Variants in CR1 observed in about 807,000 individuals in gnomAD.
CR1 encodes complement receptor type 1.
A neutral mutation model predicts 187.3 loss-of-function variants in CR1; 116 were observed. That is an observed-to-expected ratio of 0.62 (90% CI 0.53 to 0.72). The LOEUF is 0.72. Ranked by LOEUF, CR1 falls within the 30% of genes least tolerant of loss-of-function variation. CR1 has a pLI of 0.00. For synonymous variants in CR1, 576 were observed against 747.1 expected, an observed-to-expected ratio of 0.77 and a Z score of 3.73; for missense variants, 1,731 against 2,110.7, an observed-to-expected ratio of 0.82 and a Z score of 3.52.
rs200590657 is a variant in CR1, at chr1:207,622,978, T to G, written c.7277-15T>G. On this transcript the variant is annotated splice_polypyrimidine_tract_variant and intron_variant, in intron 44 of 46. Transcript: ENST00000367049. ...ATATTTTCCATGCATTTAATTACCTTGTTTTACTGCCTAGGCACTTTATCT... is the reference window on the plus strand; with the variant it reads ...ATATTTTCCATGCATTTAATTACCTGGTTTTACTGCCTAGGCACTTTATCT... 2.6e-6 allele frequency: 4 copies of G among 1,546,382 alleles called. No homozygotes were observed. The highest frequency in any genetic ancestry group is 1.7e-4 in the Middle Eastern group (1 of 5,930).
At chr1:207,565,439 T>G (rs1183384666) in intron 23 of CR1, among the ~76,000 whole-genome samples, 2 of 150,128 alleles carry the variant, frequency 1.3e-5, no homozygotes, top group Non-Finnish European at 2.9e-5. Flanking sequence ...CACTCCAAAC[T>G]GGGAGCTGTT....
At chr1:207,605,404 T>C (rs979977718) in intron 35 of CR1, among the ~76,000 whole-genome samples, 1 of 151,414 alleles carries the variant, frequency 6.6e-6, no homozygotes, top group Non-Finnish European at 1.5e-5. Flanking sequence ...ACATGTTAAT[T>C]AGCTTAATTT....
At chr1:207,632,564 G>A (rs754293654) in intron 46 of CR1, among the ~76,000 whole-genome samples, 39 of 152,238 alleles carry the variant, frequency 2.6e-4, no homozygotes, top group Non-Finnish European at 4.6e-4. Context: ...CGAGGCGAGT[G>A]GATCATGAGT....
chr1:207,567,757 C>T (rs1660549035), intron 24 of CR1, 67 bp from the exon 25 acceptor site: 18 of 1,596,108 alleles, frequency 1.1e-5, no homozygotes, highest in Non-Finnish European at 1.5e-5. Flanking sequence ...ATCATAGCAC[C>T]CTGTAATTGC....
At chr1:207,607,719 A>G (rs11118163) in intron 36 of CR1, among the ~76,000 whole-genome samples, 222 of 152,310 alleles carry the variant, frequency 1.5e-3, no homozygotes, top group African/African-American at 5.0e-3. Context: ...CCAAATAATA[A>G]AAAGAACTCT....
chr1:207,565,810 C>T lies in CR1; in HGVS notation c.3867-28C>T, dbSNP rs529116681. On this transcript the variant is annotated intron_variant, in intron 23 of 46. Coordinates refer to ENST00000367049, the MANE Select transcript of CR1 (RefSeq NM_000651.6). The stretch of plus-strand genomic sequence containing the variant: ...AAGTGTCCTCTTGGCTGAAACAGCT[C>T]ACTATTCACTCCTATTTTCTTCTTT... 1.2e-5 allele frequency: 20 copies of T among 1,609,892 alleles called. 1 individual carries two copies. The highest frequency in any genetic ancestry group is 1.6e-5 in the Non-Finnish European group (19 of 1,179,188).
chr1:207,573,273 A>G (rs557099662), intron 27 of CR1, among the ~76,000 whole-genome samples: 15 of 152,298 alleles, frequency 9.8e-5, no homozygotes, highest in South Asian at 4.1e-4. Flanking sequence ...TGTCACCACA[A>G]CAGACACTGA....
Position 207,496,245 on chromosome 1 carries a change from G to A in CR1, c.-23G>A, listed in dbSNP as rs753785825. ...TCAGTTTTCTTCGAGATCAAATCTG[G>A]TTTGTAGATGTGCTTGGGGAGAATG... On this transcript the variant is annotated 5_prime_UTR_variant, in exon 1 of 47. Transcript: ENST00000367049. 1 of 1,613,776 alleles carries A rather than the reference G, an allele frequency of 6.2e-7. No homozygotes were observed. Among genetic ancestry groups the A allele is most frequent in the Non-Finnish European group, 8.5e-7 (1 of 1,179,834 alleles).
rs147969166 is a variant in CR1 at position 207,524,016 on chromosome 1, C to T, written c.886+7C>T. The T allele has an allele frequency of 3.0e-3, 4,779 of 1,611,718 alleles. 188 individuals are homozygous for T. The African/African-American group carries it at 0.056, about 19-fold the overall frequency. On this transcript the variant is annotated splice_region_variant and intron_variant, in intron 5 of 46. Transcript: ENST00000367049. ...CTACCAAGCTGCTCCAGGGGTGAGT[C>T]TGACTGAGGCCTAGAAGGGCCCTGC...
At position 207,605,044 on chromosome 1, in the gene CR1, A is replaced by G. The variant is rs1661706451; in HGVS notation, c.5811-2207A>G. 9.2e-5 allele frequency among the ~76,000 whole-genome samples: 14 copies of G among 152,272 alleles called. No individual in the cohort carries two copies. The South Asian group carries it at 2.9e-3, about 32-fold the overall frequency. ...GAGGCTGAGGCATACGAATTGCTTAAGCCTAGAAGTTAGAAACTAGGCTGG... is the reference window on the plus strand; with the variant it reads ...GAGGCTGAGGCATACGAATTGCTTAGGCCTAGAAGTTAGAAACTAGGCTGG... On this transcript the variant is annotated intron_variant, in intron 35 of 46. Transcript: ENST00000367049.
intron 46 of CR1, among the ~76,000 whole-genome samples, 187 bp from the exon 47 acceptor site, chr1:207,639,210 T>G (rs138101520): frequency 6.6e-6 from 1 of 152,378 alleles, no homozygotes; most frequent in African/African-American, 2.4e-5. Flanking sequence ...GCAATTCTTT[T>G]TTAGATGACC....
At chr1:207,587,293 T>C (rs1206318896) in intron 33 of CR1, 93 bp from the exon 34 acceptor site, 1 of 1,100,868 alleles carries the variant, frequency 9.1e-7, no homozygotes, top group African/African-American at 1.6e-5. Flanking sequence ...TCTTTGTTTC[T>C]GTGATCCACC....
chr1:207,582,419 G>A (rs1382326355), intron 32 of CR1, among the ~76,000 whole-genome samples: 3 of 152,162 alleles, frequency 2.0e-5, no homozygotes, highest in African/African-American at 7.2e-5. Context: ...GCAATCTTCT[G>A]GGAACTGGGG....
rs1662973727 is a variant in CR1 at position 207,641,220 on chromosome 1, G to T, written c.*1811G>T. On this transcript the variant is annotated 3_prime_UTR_variant, in exon 47 of 47. Transcript: ENST00000367049. ...AGGAGGACTAGAAACTAAGTGATTG[G>T]GAATTGGCCTTTTTAGAATTAAAAT... 1 of 151,810 alleles carries T rather than the reference G, an allele frequency of 6.6e-6. No homozygotes were observed. The highest frequency in any genetic ancestry group is 2.4e-5 in the African/African-American group (1 of 41,360). 9.4% of individuals were successfully genotyped at this position (151,810 alleles called of 1,614,324 possible). A position where few individuals can be genotyped will look rare whatever the true frequency, so the allele number is the denominator to read the frequency against.
At chr1:207,615,105 A>G (rs1371982092) in intron 40 of CR1, among the ~76,000 whole-genome samples, 1 of 152,174 alleles carries the variant, frequency 6.6e-6, no homozygotes, top group East Asian at 1.9e-4. Context: ...CACCATGCCC[A>G]GCCAAATTTT....
At chr1:207,606,373 G>C (rs1245176007) in intron 35 of CR1, 2 of 152,152 alleles carry the variant, frequency 1.3e-5, no homozygotes, top group Admixed American at 6.5e-5. Flanking sequence ...AAAAATAGAG[G>C]GTTCCATTAC....
intron 44 of CR1, 92 bp from the exon 45 acceptor site, chr1:207,622,901 G>T: frequency 1.2e-6 from 1 of 826,708 alleles, no homozygotes; most frequent in Non-Finnish European, 1.9e-6. Context: ...AAAAAGCATT[G>T]GCAATCTGTA....
chr1:207,508,929 T>C (rs530527104), intron 3 of CR1, among the ~76,000 whole-genome samples: 4 of 152,224 alleles, frequency 2.6e-5, no homozygotes, highest in Non-Finnish European at 5.9e-5. Context: ...TGATACCTTA[T>C]GTCCTCCACT....
At chr1:207,602,365 T>C (rs560370794) in intron 35 of CR1, among the ~76,000 whole-genome samples, 19 of 152,210 alleles carry the variant, frequency 1.2e-4, no homozygotes, top group African/African-American at 4.6e-4. Flanking sequence ...CATTTGCTAA[T>C]ATAAATACTA....
Sources: allele counts gnomAD v4.1 joint callset (sites outside exome capture counted in the v4.1 genomes callset), GRCh38; gene constraint gnomAD v4.1.1; transcripts MANE v1.5; gene names NCBI Gene and HGNC (gene_info 2026-07-23, HGNC 2026-07-21).